CAMTA1: variants seen among roughly 807,000 people sequenced by gnomAD.
CAMTA1 encodes the protein calmodulin binding transcription activator 1, also known as calmodulin-binding transcription activator 1.
A neutral mutation model predicts 170.9 loss-of-function variants in CAMTA1; 27 were observed. That is an observed-to-expected ratio of 0.16 (90% CI 0.12 to 0.22). The LOEUF (loss-of-function observed/expected upper bound fraction) is 0.22. Ranked by LOEUF, CAMTA1 falls within the 10% of genes least tolerant of loss-of-function variation. The probability of loss-of-function intolerance (pLI) is 1.00; values close to 1 mark genes in which losing one functional copy is unlikely to be tolerated. For missense variants in CAMTA1, 1,619 were observed against 2,217.2 expected (o/e 0.73, Z 5.42); for synonymous variants, 833 against 891.5 (o/e 0.93, Z 1.17).
intron 6 of CAMTA1, among the ~76,000 whole-genome samples, chr1:7,506,444 AC>A (rs2094110904): frequency 6.6e-6 from 1 of 151,568 alleles, no homozygotes; most frequent in Non-Finnish European, 1.5e-5. Context: ...CAAAATTCAC[AC>A]TCAAAATTCA....
intron 5 of CAMTA1, among the ~76,000 whole-genome samples, chr1:7,378,328 A>C (rs1034680821): frequency 6.6e-6 from 1 of 152,232 alleles, no homozygotes; most frequent in Non-Finnish European, 1.5e-5. Flanking sequence ...CGTGTTACAT[A>C]ATCAGAGTAG....
chr1:7,735,481 A>G (rs1443239311), intron 12 of CAMTA1, among the ~76,000 whole-genome samples: 1 of 151,662 alleles, frequency 6.6e-6, no homozygotes, highest in Non-Finnish European at 1.5e-5. Context: ...AAGAAGAAAG[A>G]GAGTGAAAGA....
chr1:7,086,504 A>G (rs1255085306), intron 3 of CAMTA1, among the ~76,000 whole-genome samples: 1 of 152,194 alleles, frequency 6.6e-6, no homozygotes, highest in Non-Finnish European at 1.5e-5. Context: ...ATGTGCAACC[A>G]TCTAGCTCCA....
intron 5 of CAMTA1, among the ~76,000 whole-genome samples, chr1:7,332,821 G>A (rs1219700960): frequency 2.6e-5 from 4 of 151,846 alleles, no homozygotes; most frequent in African/African-American, 9.7e-5. Flanking sequence ...GCACACACCC[G>A]CAGATACACA....
chr1:7,542,136 T>C (rs1210921228), intron 6 of CAMTA1, among the ~76,000 whole-genome samples: 1 of 152,174 alleles, frequency 6.6e-6, no homozygotes, highest in Non-Finnish European at 1.5e-5. Flanking sequence ...TTAGAAAAAT[T>C]AGGCGTACTC....
At chr1:6,872,577 C>T (rs1408214311) in intron 3 of CAMTA1, among the ~76,000 whole-genome samples, 2 of 152,148 alleles carry the variant, frequency 1.3e-5, no homozygotes, top group African/African-American at 4.8e-5. Context: ...CCTGGTCAGC[C>T]AGCCCTGGTA....
At chr1:7,387,573 A>C (rs907044746) in intron 5 of CAMTA1, among the ~76,000 whole-genome samples, 1 of 152,170 alleles carries the variant, frequency 6.6e-6, no homozygotes, top group Non-Finnish European at 1.5e-5. Flanking sequence ...CACCCAGCCC[A>C]GGTGCCTCCT....
chr1:6,903,580 G>A (rs1472233376), intron 3 of CAMTA1, among the ~76,000 whole-genome samples: 1 of 152,208 alleles, frequency 6.6e-6, no homozygotes, highest in Non-Finnish European at 1.5e-5. Context: ...GACTCAGCTT[G>A]TGATTGTGCT....
At chr1:7,174,436 C>T (rs1328101516) in intron 4 of CAMTA1, among the ~76,000 whole-genome samples, 1 of 152,188 alleles carries the variant, frequency 6.6e-6, no homozygotes, top group Admixed American at 6.5e-5. Context: ...CATAAAAATA[C>T]ACAAGGCCCT....
At chr1:6,931,902 A>G (rs1038242255) in intron 3 of CAMTA1, among the ~76,000 whole-genome samples, 2 of 152,216 alleles carry the variant, frequency 1.3e-5, no homozygotes, top group African/African-American at 4.8e-5. Flanking sequence ...CATCGGTCAC[A>G]GGCAAATTAC....
chr1:7,084,589 G>C (rs567179305), intron 3 of CAMTA1, among the ~76,000 whole-genome samples: 4 of 152,350 alleles, frequency 2.6e-5, no homozygotes, highest in South Asian at 2.1e-4. Flanking sequence ...GTGGACCGAG[G>C]GGGGCAGGGG....
intron 3 of CAMTA1, among the ~76,000 whole-genome samples, chr1:7,078,051 A>G (rs1639541562): frequency 6.6e-6 from 1 of 152,212 alleles, no homozygotes; most frequent in African/African-American, 2.4e-5. Context: ...TTAGCCATGG[A>G]TTCAGAATTT....
chr1:7,449,615 C>T (rs1185685784), intron 5 of CAMTA1, among the ~76,000 whole-genome samples: 1 of 151,812 alleles, frequency 6.6e-6, no homozygotes, highest in African/African-American at 2.4e-5. Flanking sequence ...ACTGAAAATA[C>T]AAAAATTAGC....
intron 5 of CAMTA1, among the ~76,000 whole-genome samples, chr1:7,343,916 T>C (rs2084027164): frequency 6.6e-6 from 1 of 152,220 alleles, no homozygotes; most frequent in African/African-American, 2.4e-5. Flanking sequence ...CCCCCGTGGG[T>C]CTCTACCACC....
intron 4 of CAMTA1, among the ~76,000 whole-genome samples, chr1:7,101,626 C>T (rs1028186242): frequency 3.9e-5 from 6 of 152,250 alleles, no homozygotes; most frequent in African/African-American, 9.6e-5. Flanking sequence ...TTTTGCTTTG[C>T]GTTGTGTGTG....
In CAMTA1 at chr1:7,041,462, C is replaced by A. The variant is rs962318252; in HGVS notation, c.235-49842C>A. On this transcript the variant is annotated intron_variant, in intron 3 of 22. Transcript: ENST00000303635. The surrounding 1 kb of genome is among the most constrained non-coding windows in gnomAD (Gnocchi z 5.1). ...TAAGTGAAATTCCTGTTGAGAGTCT[C>A]TTAAGCTAGATTTATATCTGATTTT... Among the ~76,000 whole-genome samples, 1 of 152,230 alleles carries A rather than the reference C, an allele frequency of 6.6e-6. No individual in the cohort carries two copies. The highest frequency in any genetic ancestry group is 1.5e-5 in the Non-Finnish European group (1 of 68,048).
At chr1:6,912,336 C>A (rs555270306) in intron 3 of CAMTA1, among the ~76,000 whole-genome samples, 2 of 152,278 alleles carry the variant, frequency 1.3e-5, no homozygotes, top group East Asian at 3.9e-4. Flanking sequence ...GTAGCATCCC[C>A]CTTTGTTTCT....
rs202166286 is a variant in CAMTA1, at chr1:7,284,126, GTTCTTCTTCTTC to G, written c.438+34542_438+34553del. Among the ~76,000 whole-genome samples the G allele has an allele frequency of 8.6e-3, 922 of 106,942 alleles. 7 individuals are homozygous for G. Among genetic ancestry groups the G allele is most frequent in the South Asian group, 0.024 (66 of 2,762 alleles). The allele number at this position is 106,942 out of a possible 152,430, so 70.2% of individuals were successfully genotyped here. Reference sequence around the variant, plus strand: ...AAATGCTGTTTCGGTATTTGCTGCTGTTCTTCTTCTTCTTCTTCTTCTTCTTCTTCTTCTTCT... The same window carrying G: ...AAATGCTGTTTCGGTATTTGCTGCTGTTCTTCTTCTTCTTCTTCTTCTTCT... On this transcript the variant is annotated intron_variant, in intron 5 of 22. Coordinates refer to ENST00000303635, the MANE Select transcript of CAMTA1 (RefSeq NM_015215.4).
chr1:7,196,262 G>T (rs988353686), intron 4 of CAMTA1, among the ~76,000 whole-genome samples: 1 of 151,992 alleles, frequency 6.6e-6, no homozygotes, highest in East Asian at 1.9e-4. Context: ...TTTGCCTTCT[G>T]CCATGACTGT....
Sources: gnomAD v4.1 joint callset for allele counts (sites outside exome capture counted in the v4.1 genomes callset) on GRCh38, gnomAD v4.1.1 for gene constraint, Gnocchi (gnomAD v3.1) non-coding constraint, MANE v1.5 for transcripts, NCBI Gene and HGNC (gene_info 2026-07-23, HGNC 2026-07-21) for gene names.